Variants in PCDHA8 observed in about 807,000 individuals in gnomAD.
PCDHA8 encodes the protein protocadherin alpha-8.
PCDHA8 carries 53 observed loss-of-function variants against 61.8 expected under a neutral mutation model. The ratio of observed to expected loss-of-function variants is 0.86; its 90% CI spans 0.69 to 1.08. The LOEUF (loss-of-function observed/expected upper bound fraction) is 1.08, where lower values mean the gene tolerates loss of function less well. Among genes scored for constraint, PCDHA8 ranks in the 50% least tolerant of loss-of-function variants. PCDHA8 has a pLI of 0.00. For synonymous variants in PCDHA8, 618 were observed against 556.6 expected (o/e 1.11, Z -1.55); for missense variants, 1,293 against 1,245.0 (o/e 1.04, Z -0.58).
intron 1 of PCDHA8, among the ~76,000 whole-genome samples, chr5:140,971,002 C>A (rs2096450018): frequency 6.6e-6 from 1 of 152,136 alleles, no homozygotes; most frequent in Non-Finnish European, 1.5e-5. Context: ...CAAAGAGTTT[C>A]CAGAAGTCTT....
chr5:140,957,133 A>G (rs1308855631), intron 1 of PCDHA8, among the ~76,000 whole-genome samples: 4 of 152,222 alleles, frequency 2.6e-5, no homozygotes, highest in African/African-American at 9.6e-5. Context: ...TTACTACACT[A>G]TGAACTAAAA....
Position 140,863,355 on chromosome 5 carries a change from G to A in PCDHA8, c.2394+19640G>A, listed in dbSNP as rs541699808. ...TCACGTTGCTGCTGTACACGACGCT[G>A]CGGTGCTTGGCGCAGCTCACCGAGA... On this transcript the variant is annotated intron_variant, in intron 1 of 3. Coordinates refer to ENST00000531613, the MANE Select transcript of PCDHA8 (RefSeq NM_018911.3). 8 of 1,264,220 alleles carry A rather than the reference G, an allele frequency of 6.3e-6. No homozygotes were observed. In the Admixed American group the frequency reaches 1.3e-4, roughly 20 times the overall value. 78.3% of individuals were successfully genotyped at this position (1,264,220 alleles called of 1,614,324 possible).
intron 1 of PCDHA8, among the ~76,000 whole-genome samples, chr5:140,878,707 A>C (rs1450914173): frequency 2.0e-5 from 3 of 152,232 alleles, no homozygotes; most frequent in Non-Finnish European, 4.4e-5. Context: ...GCCTGGTAGT[A>C]AAGGCATTAA....
At chr5:140,903,470 C>T (rs1425928113) in intron 1 of PCDHA8, among the ~76,000 whole-genome samples, 2 of 152,140 alleles carry the variant, frequency 1.3e-5, no homozygotes, top group Non-Finnish European at 2.9e-5. Context: ...AATATTATTC[C>T]TTGCATTATA....
chr5:140,848,600 C>A lies in PCDHA8; in HGVS notation c.2394+4885C>A, dbSNP rs2150414065. On this transcript the variant is annotated intron_variant, in intron 1 of 3. Transcript: ENST00000531613. The stretch of plus-strand genomic sequence containing the variant: ...GGAGCGGCCAGCTCCACTACTCCGT[C>A]CCGGAGGAAGCCGAACACGGCACCT... 2.5e-6 allele frequency: 4 copies of A among 1,593,634 alleles called. 1 individual carries two copies. The highest frequency in any genetic ancestry group is 3.4e-6 in the Non-Finnish European group (4 of 1,164,058).
intron 1 of PCDHA8, among the ~76,000 whole-genome samples, chr5:140,904,057 G>T (rs1043471579): frequency 6.6e-6 from 1 of 151,986 alleles, no homozygotes; most frequent in Non-Finnish European, 1.5e-5. Context: ...ATTTCAATGG[G>T]TTTTTGGGGA....
At chr5:140,972,990 G>A (rs185555684) in intron 1 of PCDHA8, among the ~76,000 whole-genome samples, 2 of 152,188 alleles carry the variant, frequency 1.3e-5, no homozygotes, top group African/African-American at 4.8e-5. Context: ...GGTAGATTCT[G>A]TGCATTTGTG....
intron 1 of PCDHA8, chr5:140,862,842 G>C: frequency 1.7e-6 from 1 of 572,982 alleles, no homozygotes; most frequent in Non-Finnish European, 3.3e-6. Flanking sequence ...CGGGCATGCC[G>C]CCTCTGAGCA....
chr5:140,889,551 C>A (rs981990006), intron 1 of PCDHA8, among the ~76,000 whole-genome samples: 1 of 152,074 alleles, frequency 6.6e-6, no homozygotes, highest in Non-Finnish European at 1.5e-5. Flanking sequence ...ATTTACTTTT[C>A]TTCAGAATTC....
rs57893927 is a variant in PCDHA8 at position 140,946,631 on chromosome 5, T to TATATATAC, written c.2395-32317_2395-32316insTATATACA. Among the ~76,000 whole-genome samples the TATATATAC allele has an allele frequency of 9.9e-4, 130 of 131,716 alleles. 1 individual carries two copies. The highest frequency in any genetic ancestry group is 2.9e-3 in the East Asian group (14 of 4,862). 86.4% of individuals were successfully genotyped at this position (131,716 alleles called of 152,430 possible). A position where few individuals can be genotyped will look rare whatever the true frequency, so the allele number is the denominator to read the frequency against. ...TGTGAAATATATATATATATATATA[T>TATATATAC]ACAATGGAATACTCATCAGCCATTA... On this transcript the variant is annotated intron_variant, in intron 1 of 3. Coordinates refer to ENST00000531613, the MANE Select transcript of PCDHA8 (RefSeq NM_018911.3).
intron 1 of PCDHA8, among the ~76,000 whole-genome samples, chr5:140,934,650 T>C (rs2089969846): frequency 6.6e-6 from 1 of 152,134 alleles, no homozygotes; most frequent in East Asian, 1.9e-4. Flanking sequence ...GATAAATGTT[T>C]GATTCTTCCC....
chr5:140,984,243 C>T (rs781830326), intron 3 of PCDHA8, among the ~76,000 whole-genome samples: 2 of 152,246 alleles, frequency 1.3e-5, no homozygotes, highest in Non-Finnish European at 2.9e-5. Context: ...CATTGTAGGT[C>T]GACCTGGTAA....
At chr5:140,882,065 A>C in intron 1 of PCDHA8, 1 of 831,114 alleles carries the variant, frequency 1.2e-6, no homozygotes, top group Non-Finnish European at 1.8e-6. Flanking sequence ...TTACACGTTC[A>C]TGCGCATGGT....
chr5:141,000,136 G>A (rs2097893947), intron 3 of PCDHA8, among the ~76,000 whole-genome samples: 2 of 152,034 alleles, frequency 1.3e-5, no homozygotes, highest in South Asian at 4.1e-4. Flanking sequence ...TTCACAAGAA[G>A]TAAACAAAAC....
Position 140,843,278 on chromosome 5 carries a change from G to A in PCDHA8, c.1957G>A (p.Asp653Asn), listed in dbSNP as rs147078401. The change falls in exon 1 of 4, where the codon GAT (aspartate) becomes AAT (asparagine). Residue 653 changes from aspartate (D) to asparagine (N), a missense_variant. By Grantham distance (23) the Asp-to-Asn change is conservative. Coordinates refer to ENST00000531613, the MANE Select transcript of PCDHA8 (RefSeq NM_018911.3). ...PRHRLLVLVK[D>N]HGEPALTATA... Reference sequence around the variant, plus strand: ...CCACCGTCTGCTGGTCCTGGTGAAGGATCATGGTGAACCTGCGCTGACCGC... The same window carrying A: ...CCACCGTCTGCTGGTCCTGGTGAAGAATCATGGTGAACCTGCGCTGACCGC... 6.3e-7 allele frequency: 1 copy of A among 1,595,978 alleles called. No individual in the cohort carries two copies. The highest frequency in any genetic ancestry group is 8.6e-7 in the Non-Finnish European group (1 of 1,165,598).
At chr5:140,875,202 C>A in intron 1 of PCDHA8, 1 of 611,450 alleles carries the variant, frequency 1.6e-6, no homozygotes, top group Non-Finnish European at 2.5e-6. Context: ...CAGGAAGTGG[C>A]TAAACCGAAA....
intron 1 of PCDHA8, chr5:140,848,505 T>G: frequency 6.3e-7 from 1 of 1,587,952 alleles, no homozygotes; most frequent in South Asian, 1.1e-5. Context: ...AATGTTATAC[T>G]CAAGTCGAGG....
In PCDHA8 at chr5:140,852,899, G is replaced by A; in HGVS notation, c.2394+9184G>A. On this transcript the variant is annotated intron_variant, in intron 1 of 3. Transcript: ENST00000531613. ...TCATAAAACGTATTTTTTTTTTTGA[G>A]TCAGAGTCTCGCTCTGTTGCCCAGG... 4.8e-6 allele frequency: 4 copies of A among 840,714 alleles called. 1 individual carries two copies. Among genetic ancestry groups the A allele is most frequent in the Non-Finnish European group, 5.8e-6 (4 of 685,948 alleles). The allele number at this position is 840,714 out of a possible 1,614,324, so 52.1% of individuals were successfully genotyped here.
intron 1 of PCDHA8, among the ~76,000 whole-genome samples, chr5:140,924,894 C>CAAAAAAA (rs782133089): frequency 2.8e-5 from 2 of 71,470 alleles, no homozygotes; most frequent in African/African-American, 8.5e-5. Flanking sequence ...GAACCTGTCT[C>CAAAAAAA]AAAAAAAAAA....
Sources: allele counts gnomAD v4.1 joint callset (sites outside exome capture counted in the v4.1 genomes callset), GRCh38; gene constraint gnomAD v4.1.1; transcripts MANE v1.5; gene names NCBI Gene and HGNC (gene_info 2026-07-23, HGNC 2026-07-21).